The following AFDN variants were observed in gnomAD, a reference collection of about 807,000 sequenced individuals.
The protein encoded by AFDN is afadin, adherens junction formation factor, also known as afadin.
A neutral mutation model predicts 216.6 loss-of-function variants in AFDN; 68 were observed. That is an observed-to-expected ratio of 0.31 (90% confidence interval 0.26 to 0.38). The LOEUF (loss-of-function observed/expected upper bound fraction) is 0.38. AFDN is among the 10% of genes least tolerant of loss of function. The probability of loss-of-function intolerance (pLI) is 1.00; values close to 1 mark genes in which losing one functional copy is unlikely to be tolerated. For missense variants in AFDN, 2,136 were observed against 2,342.0 expected (o/e 0.91, Z 1.82); for synonymous variants, 868 against 853.7 (o/e 1.02, Z -0.29).
chr6:167,857,016 A>G (rs1782974548), intron 1 of AFDN, among the ~76,000 whole-genome samples: 1 of 152,134 alleles, frequency 6.6e-6, no homozygotes, highest in Non-Finnish European at 1.5e-5. Context: ...CTACACAGTA[A>G]AAAGTTTAAA....
At chr6:167,860,993 G>A (rs982551944) in intron 1 of AFDN, among the ~76,000 whole-genome samples, 2 of 152,144 alleles carry the variant, frequency 1.3e-5, no homozygotes, top group Non-Finnish European at 2.9e-5. Flanking sequence ...GGCAGGTCTG[G>A]GGCCAGTTAA....
chr6:167,911,037 G>C lies in AFDN; in HGVS notation c.1770-64G>C. The stretch of plus-strand genomic sequence containing the variant: ...AAAAGTAGTTGCAGAAATCTACACA[G>C]GTTGTCAGTAATATTGTTAGCCATG... On this transcript the variant is annotated intron_variant, in intron 13 of 33. Transcript: ENST00000683244. The C allele has an allele frequency of 6.7e-6, 9 of 1,343,372 alleles. No individual in the cohort carries two copies. The South Asian group carries it at 1.1e-4, about 17-fold the overall frequency. The allele number at this position is 1,343,372 out of a possible 1,614,324, so 83.2% of individuals were successfully genotyped here.
intron 6 of AFDN, among the ~76,000 whole-genome samples, chr6:167,885,306 C>G (rs974912521): frequency 7.9e-5 from 12 of 152,230 alleles, no homozygotes; most frequent in African/African-American, 2.9e-4. Context: ...GCATTCATAA[C>G]TTGACTGGCA....
chr6:167,868,185 T>G (rs1295776953), intron 2 of AFDN, among the ~76,000 whole-genome samples: 1 of 152,208 alleles, frequency 6.6e-6, no homozygotes, highest in Non-Finnish European at 1.5e-5. Flanking sequence ...ATATTATTAC[T>G]AATACAGCAA....
At chr6:167,855,286 G>A (rs1230921382) in intron 1 of AFDN, among the ~76,000 whole-genome samples, 1 of 151,988 alleles carries the variant, frequency 6.6e-6, no homozygotes, top group Non-Finnish European at 1.5e-5. Flanking sequence ...TTAATTGGAC[G>A]GTTGAACTAC....
intron 23 of AFDN, among the ~76,000 whole-genome samples, chr6:167,937,684 C>G (rs9355045): frequency 5.3e-5 from 8 of 152,184 alleles, no homozygotes; most frequent in African/African-American, 1.9e-4. Context: ...TAGAATGTGT[C>G]TTATTTGTGC....
intron 13 of AFDN, 57 bp from the exon 14 acceptor site, chr6:167,911,044 A>G: frequency 1.4e-6 from 2 of 1,402,218 alleles, no homozygotes; most frequent in Non-Finnish European, 2.0e-6. Flanking sequence ...ACAGGTTGTC[A>G]GTAATATTGT....
At chr6:167,835,696 A>G (rs1005372531) in intron 1 of AFDN, among the ~76,000 whole-genome samples, 10 of 152,192 alleles carry the variant, frequency 6.6e-5, no homozygotes, top group African/African-American at 2.4e-4. Context: ...CATCAGCTAT[A>G]CTCATCATTG....
intron 9 of AFDN, among the ~76,000 whole-genome samples, chr6:167,896,129 A>G (rs1283965318): frequency 6.6e-6 from 1 of 152,166 alleles, no homozygotes; most frequent in East Asian, 1.9e-4. Context: ...GGGCTTCGGC[A>G]GAGCAGCTTC....
At chr6:167,957,618 TATCGCATGG>T (rs1437705973) in intron 30 of AFDN, among the ~76,000 whole-genome samples, 1 of 152,212 alleles carries the variant, frequency 6.6e-6, no homozygotes, top group Non-Finnish European at 1.5e-5. Flanking sequence ...TTTTCCTTTA[TATCGCATGG>T]GCAAATCCAG....
intron 4 of AFDN, among the ~76,000 whole-genome samples, chr6:167,873,124 T>C (rs1482015118): frequency 6.6e-6 from 1 of 152,198 alleles, no homozygotes; most frequent in African/African-American, 2.4e-5. Context: ...TATACATTAC[T>C]TTTCCGTAAT....
chr6:167,889,571 T>C (rs992904083), intron 7 of AFDN, among the ~76,000 whole-genome samples: 1 of 44,108 alleles, frequency 2.3e-5, no homozygotes, highest in African/African-American at 8.7e-5. Context: ...ATAGCTGGGA[T>C]TACAGGCTCC....
At position 167,915,160 on chromosome 6, in the gene AFDN, C is replaced by G. The variant is rs202174965; in HGVS notation, c.2300-8C>G. On this transcript the variant is annotated splice_region_variant and splice_polypyrimidine_tract_variant and intron_variant, in intron 18 of 33. Coordinates refer to ENST00000683244, the MANE Select transcript of AFDN (RefSeq NM_001386888.1). The stretch of plus-strand genomic sequence containing the variant: ...TGCTCCTCTTGTCCTCTCACCCTGT[C>G]TGGGCAGATGATGTGCTGCACACGC... 2.5e-6 allele frequency: 4 copies of G among 1,613,652 alleles called. No homozygotes were observed.
At chr6:167,884,972 T>C (rs1786602516) in intron 6 of AFDN, among the ~76,000 whole-genome samples, 1 of 152,212 alleles carries the variant, frequency 6.6e-6, no homozygotes, top group Non-Finnish European at 1.5e-5. Flanking sequence ...CTAGATCTTC[T>C]GGAGAACTTG....
At chr6:167,912,182 G>A (rs1036315156) in intron 15 of AFDN, 12 of 152,152 alleles carry the variant, frequency 7.9e-5, no homozygotes, top group African/African-American at 2.9e-4. Flanking sequence ...ACTCCTTTAC[G>A]TACTTTCTGT....
In AFDN at chr6:167,872,294, A is replaced by G. The variant is rs765310304; in HGVS notation, c.495A>G (p.Glu165=). Residue 165 remains glutamate, a synonymous_variant, in exon 4 of 34, where the codon GAA becomes GAG. Coordinates refer to ENST00000683244, the MANE Select transcript of AFDN (RefSeq NM_001386888.1). ...TCAAGAGAACTCTCTCAAAGAAAGA[A>G]AAGAAGGAAAAAAAGAAGAGAGAAA... The part of the protein sequence containing the change: ...QNFKRTLSKK[E]KKEKKKREKE... 22 of 1,613,962 alleles carry G rather than the reference A, an allele frequency of 1.4e-5. No individual in the cohort carries two copies. Among genetic ancestry groups the G allele is most frequent in the Non-Finnish European group, 1.9e-5 (22 of 1,179,982 alleles).
At chr6:167,868,812 G>A (rs536428193) in intron 2 of AFDN, among the ~76,000 whole-genome samples, 40 of 145,930 alleles carry the variant, frequency 2.7e-4, no homozygotes, top group Middle Eastern at 3.7e-3. Flanking sequence ...ACCCAGAGTG[G>A]AGTGCAGTGG....
At chr6:167,908,156 C>A (rs1583362852) in intron 13 of AFDN, among the ~76,000 whole-genome samples, 1 of 152,324 alleles carries the variant, frequency 6.6e-6, no homozygotes, top group East Asian at 1.9e-4. Context: ...GTGTTTCCTT[C>A]AAAGATCCAG....
rs766671223 is a variant in AFDN at position 167,952,115 on chromosome 6, C to G, written c.4761C>G (p.Asp1587Glu). The G allele has an allele frequency of 4.3e-6, 7 of 1,614,040 alleles. No individual in the cohort carries two copies. Among genetic ancestry groups the G allele is most frequent in the Non-Finnish European group, 5.9e-6 (7 of 1,179,998 alleles). Residue 1587 changes from aspartate (D) to glutamate (E), a missense_variant, in exon 30 of 34, where the codon GAC becomes GAG. Around this residue, in one of 8 missense-constraint regions of AFDN, gnomAD observed 981 missense variants for 966.0 expected, o/e 1.02. Coordinates refer to ENST00000683244, the MANE Select transcript of AFDN (RefSeq NM_001386888.1). Reference protein sequence around the residue: ...LQESKQKDEDDEEEEDDDVDT... With the variant: ...LQESKQKDEDEEEEEDDDVDT... ...AGTCGAAGCAGAAGGACGAAGATGACGAGGAGGAGGAGGACGATGATGTGG... is the reference window on the plus strand; with the variant it reads ...AGTCGAAGCAGAAGGACGAAGATGAGGAGGAGGAGGAGGACGATGATGTGG...
Sources: allele counts gnomAD v4.1 joint callset (sites outside exome capture counted in the v4.1 genomes callset), GRCh38; gene constraint gnomAD v4.1.1; regional missense constraint gnomAD v4.1.1; transcripts MANE v1.5; gene names NCBI Gene and HGNC (gene_info 2026-07-23, HGNC 2026-07-21).